PHLDB2: variants seen among roughly 807,000 people sequenced by gnomAD.
PHLDB2 encodes the protein pleckstrin homology-like domain family B member 2.
PHLDB2 carries 71 observed loss-of-function variants against 123.6 expected under a neutral mutation model. That is an observed-to-expected ratio of 0.57 (90% confidence interval 0.47 to 0.70). PHLDB2 has a LOEUF of 0.70. PHLDB2 is among the 30% of genes least tolerant of loss of function. PHLDB2 has a pLI of 0.00. For synonymous variants in PHLDB2, 547 were observed against 541.6 expected, an observed-to-expected ratio of 1.01 and a Z score of -0.14; for missense variants, 1,446 against 1,519.5, an observed-to-expected ratio of 0.95 and a Z score of 0.80.
At chr3:111,820,574 A>G (rs774903582) in intron 1 of PHLDB2, among the ~76,000 whole-genome samples, 6 of 152,232 alleles carry the variant, frequency 3.9e-5, no homozygotes, top group Non-Finnish European at 8.8e-5. Flanking sequence ...GCCCACAACT[A>G]TAAGTTCAAT....
At chr3:111,752,589 T>C (rs991824501) in intron 1 of PHLDB2, among the ~76,000 whole-genome samples, 12 of 151,740 alleles carry the variant, frequency 7.9e-5, no homozygotes, top group African/African-American at 2.4e-4. Context: ...ACTAGAAACA[T>C]CAAGTTTTCA....
intron 1 of PHLDB2, among the ~76,000 whole-genome samples, chr3:111,789,726 G>A (rs1183078855): frequency 6.6e-6 from 1 of 151,162 alleles, no homozygotes; most frequent in Non-Finnish European, 1.5e-5. Context: ...AGTTCATATG[G>A]TGTCTAACCC....
chr3:111,741,448 G>A (rs910771175), intron 1 of PHLDB2, among the ~76,000 whole-genome samples: 56 of 152,308 alleles, frequency 3.7e-4, no homozygotes, highest in Non-Finnish European at 7.8e-4. Context: ...TAAATCTTCA[G>A]GCATTTGTGG....
intron 2 of PHLDB2, among the ~76,000 whole-genome samples, chr3:111,890,617 T>C (rs1033071265): frequency 2.0e-5 from 3 of 152,226 alleles, no homozygotes; most frequent in Non-Finnish European, 2.9e-5. Flanking sequence ...ATAATATCTG[T>C]AATATTTTTA....
intron 1 of PHLDB2, among the ~76,000 whole-genome samples, chr3:111,765,679 C>G (rs1027120656): frequency 2.6e-5 from 4 of 152,188 alleles, no homozygotes; most frequent in South Asian, 4.1e-4. Context: ...ATAAACTTCT[C>G]TGCTGGGTTA....
intron 1 of PHLDB2, among the ~76,000 whole-genome samples, chr3:111,751,728 ACC>A (rs1450382256): frequency 1.3e-5 from 2 of 151,624 alleles, no homozygotes; most frequent in African/African-American, 2.4e-5. Context: ...TAGGAGATAT[ACC>A]TAATGCTAAA....
intron 1 of PHLDB2, among the ~76,000 whole-genome samples, chr3:111,796,398 T>A (rs1338111851): frequency 6.6e-6 from 1 of 152,252 alleles, no homozygotes; most frequent in Admixed American, 6.5e-5. Context: ...TGTTACCTAG[T>A]TCAAGCTGCT....
chr3:111,790,681 T>C lies in PHLDB2; in HGVS notation c.-48-55140T>C, dbSNP rs146390692. ...AAGGGAAGCTGCCTCTTTAGGATAC[T>C]CTGGACGTAAAATGACATAAAATGA... On this transcript the variant is annotated intron_variant, in intron 1 of 17. Coordinates refer to the PHLDB2 transcript ENST00000393923. Among the ~76,000 whole-genome samples, 5 of 152,310 alleles carry C rather than the reference T, an allele frequency of 3.3e-5. No individual in the cohort carries two copies. In the East Asian group the frequency reaches 9.6e-4, roughly 29 times the overall value.
intron 1 of PHLDB2, among the ~76,000 whole-genome samples, chr3:111,866,234 T>C (rs1177710326): frequency 2.0e-5 from 3 of 151,974 alleles, no homozygotes; most frequent in Non-Finnish European, 4.4e-5. Flanking sequence ...GCCAGGGTGG[T>C]CTCAGACTCC....
intron 2 of PHLDB2, among the ~76,000 whole-genome samples, chr3:111,901,134 C>T (rs557831387): frequency 1.6e-4 from 24 of 152,086 alleles, no homozygotes; most frequent in South Asian, 1.0e-3. Flanking sequence ...CCGAGGCGGG[C>T]GAATCACGAG....
chr3:111,920,328 C>G lies in PHLDB2; in HGVS notation c.1910C>G (p.Thr637Arg), dbSNP rs370352581. 6.2e-7 allele frequency: 1 copy of G among 1,613,712 alleles called. No homozygotes were observed. The highest frequency in any genetic ancestry group is 8.5e-7 in the Non-Finnish European group (1 of 1,179,860). Residue 637 changes from threonine to arginine, a missense_variant, in exon 5 of 18, where the codon ACA becomes AGA. Thr to Arg is a moderately conservative substitution (Grantham distance 71, BLOSUM62 -1). Coordinates refer to ENST00000431670, the MANE Select transcript of PHLDB2 (RefSeq NM_001134438.2). Reference sequence around the variant, plus strand: ...TTGGATGGAGAACAGAAATCTGAAACAACTGAACTTATGAAGGAGAAGGAG... The same window carrying G: ...TTGGATGGAGAACAGAAATCTGAAAGAACTGAACTTATGAAGGAGAAGGAG... ...ALLDGEQKSE[T>R]TELMKEKEIL...
In PHLDB2 at chr3:111,884,885, C is replaced by T. The variant is rs1426564389; in HGVS notation, c.808C>T (p.Leu270Phe). 6.2e-7 allele frequency: 1 copy of T among 1,614,162 alleles called. No homozygotes were observed. Among genetic ancestry groups the T allele is most frequent in the East Asian group, 2.2e-5 (1 of 44,872 alleles). The change falls in exon 2 of 18, where the codon CTC (leucine) becomes TTC (phenylalanine). Residue 270 changes from leucine (L) to phenylalanine (F), a missense_variant. Leu to Phe is a conservative substitution (Grantham distance 22). Around this residue, in one of 3 missense-constraint regions of PHLDB2, gnomAD observed 832 missense variants for 831.9 expected, o/e 1.00. Coordinates refer to ENST00000431670, the MANE Select transcript of PHLDB2 (RefSeq NM_001134438.2). ...YRATENQLTP[L>F]SLPPRNSLGN... ...AGCCACAGAGAACCAGCTGACACCTCTCAGCTTGCCTCCAAGAAACTCTCT... is the reference window on the plus strand; with the variant it reads ...AGCCACAGAGAACCAGCTGACACCTTTCAGCTTGCCTCCAAGAAACTCTCT...
At position 111,764,556 on chromosome 3, in the gene PHLDB2, G is replaced by A. The variant is rs535588907; in HGVS notation, c.-49+31853G>A. On this transcript the variant is annotated intron_variant, in intron 1 of 17. Transcript: ENST00000393923. ...ATACATGTTGATGTGGTGAGGTTTT[G>A]CCAGATTTCATAAAGGGAACTATGA... is the stretch of plus-strand genomic sequence containing the variant. Among the ~76,000 whole-genome samples the A allele has an allele frequency of 6.6e-5, 10 of 152,204 alleles. No homozygotes were observed. The South Asian group carries it at 1.0e-3, about 16-fold the overall frequency.
At chr3:111,814,777 A>T (rs1013401354) in intron 1 of PHLDB2, among the ~76,000 whole-genome samples, 1 of 152,082 alleles carries the variant, frequency 6.6e-6, no homozygotes, top group African/African-American at 2.4e-5. Context: ...AAAGAGAGGG[A>T]AACCCGAGGA....
At chr3:111,852,654 G>A (rs2064308006) in intron 2 of PHLDB2, among the ~76,000 whole-genome samples, 1 of 151,896 alleles carries the variant, frequency 6.6e-6, no homozygotes, top group Non-Finnish European at 1.5e-5. Context: ...GAAACTCCTT[G>A]TTTTAAGCCC....
chr3:111,887,668 T>C (rs2066254431), intron 2 of PHLDB2, among the ~76,000 whole-genome samples: 1 of 152,202 alleles, frequency 6.6e-6, no homozygotes, highest in African/African-American at 2.4e-5. Context: ...CCAAAACATA[T>C]ATCCACATTT....
chr3:111,761,783 T>A (rs986418106), intron 1 of PHLDB2, among the ~76,000 whole-genome samples: 9 of 152,208 alleles, frequency 5.9e-5, no homozygotes, highest in African/African-American at 1.9e-4. Context: ...TAAGACCCAC[T>A]GCTTTAGGCA....
intron 2 of PHLDB2, among the ~76,000 whole-genome samples, chr3:111,897,900 C>A (rs924490578): frequency 6.6e-6 from 1 of 152,126 alleles, no homozygotes; most frequent in Non-Finnish European, 1.5e-5. Context: ...AAGCAAGTGA[C>A]GCAAATTTTT....
intron 2 of PHLDB2, among the ~76,000 whole-genome samples, chr3:111,895,663 C>T (rs2107405222): frequency 6.6e-6 from 1 of 152,276 alleles, no homozygotes; most frequent in African/African-American, 2.4e-5. Flanking sequence ...CCCTGACCAA[C>T]ATGGTGAAAC....
Sources: allele counts gnomAD v4.1 joint callset (sites outside exome capture counted in the v4.1 genomes callset), GRCh38; gene constraint gnomAD v4.1.1; regional missense constraint gnomAD v4.1.1; transcripts MANE v1.5; gene names NCBI Gene and HGNC (gene_info 2026-07-23, HGNC 2026-07-21).